Variants in RBFOX1 observed in about 807,000 individuals in gnomAD.
RBFOX1 encodes RNA binding fox-1 homolog 1.
Under a neutral mutation model 57.7 loss-of-function variants are expected in RBFOX1, and 8 were observed. The ratio of observed to expected loss-of-function variants is 0.14; its 90% CI spans 0.08 to 0.25. The LOEUF (loss-of-function observed/expected upper bound fraction) is 0.25, where lower values mean the gene tolerates loss of function less well. Ranked by LOEUF, RBFOX1 falls within the 10% of genes least tolerant of loss-of-function variation. The pLI, the probability that RBFOX1 is intolerant of heterozygous loss-of-function variation, is 1.00. For missense variants in RBFOX1, 611 were observed against 548.5 expected (o/e 1.11, Z -1.14); for synonymous variants, 326 against 222.4 (o/e 1.47, Z -4.15).
At chr16:6,932,208 A>G (rs937137921) in intron 3 of RBFOX1, among the ~76,000 whole-genome samples, 3 of 152,032 alleles carry the variant, frequency 2.0e-5, no homozygotes, top group African/African-American at 4.8e-5. Context: ...TGCTTGAGTG[A>G]TTTCCCTGCC....
chr16:7,378,389 C>T (rs2097724225), intron 4 of RBFOX1, among the ~76,000 whole-genome samples: 1 of 152,126 alleles, frequency 6.6e-6, no homozygotes, highest in African/African-American at 2.4e-5. Context: ...ACCAAGCCCC[C>T]TGGAGAGTCC....
chr16:7,651,421 T>A (rs1340478323), intron 11 of RBFOX1, among the ~76,000 whole-genome samples: 1 of 152,208 alleles, frequency 6.6e-6, no homozygotes, highest in East Asian at 1.9e-4. Context: ...GTGCACTACA[T>A]GGTCACCCCG....
At chr16:7,469,973 C>A (rs1197681235) in intron 4 of RBFOX1, among the ~76,000 whole-genome samples, 1 of 150,218 alleles carries the variant, frequency 6.7e-6, no homozygotes, top group African/African-American at 2.5e-5. Context: ...AGCATAACGT[C>A]TTCAAGGTAC....
At chr16:7,386,280 A>T (rs1285702932) in intron 4 of RBFOX1, among the ~76,000 whole-genome samples, 2 of 152,150 alleles carry the variant, frequency 1.3e-5, no homozygotes, top group Admixed American at 1.3e-4. Flanking sequence ...CATGTGCAGA[A>T]TGTGCAGGTT....
At chr16:5,296,927 C>T (rs569627461) in intron 1 of RBFOX1, among the ~76,000 whole-genome samples, 6 of 152,184 alleles carry the variant, frequency 3.9e-5, no homozygotes, top group African/African-American at 7.2e-5. Context: ...CCTCCTGCCT[C>T]GACCTCCCAA....
chr16:6,817,834 C>T (rs892270920), intron 3 of RBFOX1, among the ~76,000 whole-genome samples: 1 of 152,092 alleles, frequency 6.6e-6, no homozygotes, highest in South Asian at 2.1e-4. Flanking sequence ...TCATGAAGTC[C>T]CCTGTGAATG....
chr16:7,359,866 C>A (rs1357286221), intron 4 of RBFOX1, among the ~76,000 whole-genome samples: 1 of 152,080 alleles, frequency 6.6e-6, no homozygotes, highest in Non-Finnish European at 1.5e-5. Context: ...CACCTGTAGT[C>A]CCAGCTGCTG....
rs75359024 is a variant in RBFOX1 at position 7,080,524 on chromosome 16, C to G, written c.27+28426C>G. ...CCCTTCATGTTTGTTATAAAGTTTG[C>G]AGATCACCATCCCTGTAGTCACTTA... is the stretch of plus-strand genomic sequence containing the variant. On this transcript the variant is annotated intron_variant, in intron 4 of 15. Transcript: ENST00000550418. Among the ~76,000 whole-genome samples the G allele has an allele frequency of 6.0e-4, 91 of 152,242 alleles. 1 individual carries two copies. The East Asian group carries it at 0.015, about 26-fold the overall frequency.
At chr16:6,081,539 C>T (rs1368213776) in intron 1 of RBFOX1, among the ~76,000 whole-genome samples, 1 of 152,136 alleles carries the variant, frequency 6.6e-6, no homozygotes, top group Non-Finnish European at 1.5e-5. Context: ...TCTCTGCTGC[C>T]CCCTGTTGCT....
intron 4 of RBFOX1, among the ~76,000 whole-genome samples, chr16:5,953,780 A>G (rs1311631388): frequency 1.3e-5 from 2 of 151,674 alleles, no homozygotes; most frequent in Middle Eastern, 3.4e-3. Context: ...TTGGTTTCAC[A>G]TTTTTGCAAT....
At chr16:6,347,167 C>A (rs977251915) in intron 2 of RBFOX1, among the ~76,000 whole-genome samples, 84 of 152,200 alleles carry the variant, frequency 5.5e-4, no homozygotes, top group African/African-American at 1.9e-3. Context: ...GCAATAAAGC[C>A]ATTTGGACTT....
rs1286422580 is a variant in RBFOX1, at chr16:5,846,746, A to C, written c.319-20557A>C. ...CAGGTAGCCAAGAATGCTCCACTTCACAGTCTTTGCATGATGGGTGGATGT... is the reference window on the plus strand; with the variant it reads ...CAGGTAGCCAAGAATGCTCCACTTCCCAGTCTTTGCATGATGGGTGGATGT... On this transcript the variant is annotated intron_variant, in intron 3 of 19. Transcript: ENST00000641259. Among the ~76,000 whole-genome samples, 3 of 152,214 alleles carry C rather than the reference A, an allele frequency of 2.0e-5. No homozygotes were observed. In the East Asian group the frequency reaches 5.8e-4, roughly 29 times the overall value.
At chr16:7,707,336 A>C (rs1435676074) in intron 14 of RBFOX1, among the ~76,000 whole-genome samples, 2 of 152,102 alleles carry the variant, frequency 1.3e-5, no homozygotes, top group Non-Finnish European at 2.9e-5. Flanking sequence ...GTGGTCAAAC[A>C]TGTATTGGAT....
chr16:5,788,854 C>T (rs887785355), intron 3 of RBFOX1, among the ~76,000 whole-genome samples: 2 of 152,022 alleles, frequency 1.3e-5, no homozygotes, highest in Non-Finnish European at 2.9e-5. Flanking sequence ...TCTAAGAGGC[C>T]CCAAAAGCAA....
intron 4 of RBFOX1, among the ~76,000 whole-genome samples, chr16:7,408,023 A>G (rs920261080): frequency 2.6e-5 from 4 of 152,220 alleles, no homozygotes; most frequent in Admixed American, 1.3e-4. Context: ...TCTTTACAGA[A>G]AAAAAGAAAC....
intron 3 of RBFOX1, among the ~76,000 whole-genome samples, chr16:7,022,542 T>G (rs972391274): frequency 2.6e-5 from 4 of 152,124 alleles, no homozygotes; most frequent in African/African-American, 9.7e-5. Flanking sequence ...ACTAGGCCTT[T>G]TTCATGATAA....
At position 7,667,066 on chromosome 16, in the gene RBFOX1, G is replaced by A. The variant is rs114241116; in HGVS notation, c.930+2098G>A. Among the ~76,000 whole-genome samples, 302 of 152,326 alleles carry A rather than the reference G, an allele frequency of 2.0e-3. 2 individuals are homozygous for A. The highest frequency in any genetic ancestry group is 7.0e-3 in the African/African-American group (290 of 41,568). ...ATTATAATGACAATAAGATTTTTCA[G>A]TGGGGGAGCATCACATATGCAATCA... On this transcript the variant is annotated intron_variant, in intron 13 of 15. Transcript: ENST00000550418.
intron 3 of RBFOX1, among the ~76,000 whole-genome samples, chr16:6,824,822 G>C (rs114561866): frequency 6.6e-6 from 1 of 151,902 alleles, no homozygotes; most frequent in East Asian, 1.9e-4. Context: ...ACATGTCAAA[G>C]ATAATACATG....
intron 3 of RBFOX1, among the ~76,000 whole-genome samples, chr16:6,691,217 G>A (rs555434939): frequency 6.6e-6 from 1 of 152,158 alleles, no homozygotes; most frequent in Non-Finnish European, 1.5e-5. Flanking sequence ...TCCCATCAGA[G>A]GATGGTTTTC....
Sources: gnomAD v4.1 joint callset for allele counts (sites outside exome capture counted in the v4.1 genomes callset) on GRCh38, gnomAD v4.1.1 for gene constraint, MANE v1.5 for transcripts, NCBI Gene and HGNC (gene_info 2026-07-23, HGNC 2026-07-21) for gene names.